The following MAGI2 variants were observed in gnomAD, a reference collection of about 807,000 sequenced individuals.
MAGI2 encodes membrane-associated guanylate kinase, WW and PDZ domain-containing protein 2.
Under a neutral mutation model 133.3 loss-of-function variants are expected in MAGI2, and 35 were observed. The ratio of observed to expected loss-of-function variants is 0.26; its 90% CI spans 0.20 to 0.35. The LOEUF (loss-of-function observed/expected upper bound fraction) is 0.35. MAGI2 is among the 10% of genes least tolerant of loss of function. The pLI is 1.00. For synonymous variants in MAGI2, 729 were observed against 710.6 expected, an observed-to-expected ratio of 1.03 and a Z score of -0.41; for missense variants, 1,636 against 1,863.4, an observed-to-expected ratio of 0.88 and a Z score of 2.25.
intron 3 of MAGI2, among the ~76,000 whole-genome samples, chr7:78,536,201 C>CT (rs1410328260): frequency 7.0e-6 from 1 of 143,524 alleles, no homozygotes; most frequent in Non-Finnish European, 1.5e-5. Flanking sequence ...CAAGCTCCGC[C>CT]TCCCGGGTTC....
intron 1 of MAGI2, among the ~76,000 whole-genome samples, chr7:79,151,853 A>G (rs935489930): frequency 2.0e-5 from 3 of 151,878 alleles, no homozygotes; most frequent in African/African-American, 7.2e-5. Flanking sequence ...AGAAAGACAC[A>G]AACTCCCCTT....
intron 1 of MAGI2, among the ~76,000 whole-genome samples, chr7:79,424,480 C>A (rs901076660): frequency 7.2e-5 from 11 of 151,846 alleles, no homozygotes; most frequent in Non-Finnish European, 1.2e-4. Context: ...TTCAAGAGAT[C>A]TATTTTACAG....
Position 79,030,774 on chromosome 7 carries a change from T to C in MAGI2, c.302-23568A>G, listed in dbSNP as rs113549928. ...CAAAACAGAAATCCCAGAATTATTCTTGGGATTAGAGTTCCCAAAACTTCA... is the reference window on the plus strand; with the variant it reads ...CAAAACAGAAATCCCAGAATTATTCCTGGGATTAGAGTTCCCAAAACTTCA... On this transcript the variant is annotated intron_variant, in intron 1 of 21. Coordinates refer to ENST00000354212, the MANE Select transcript of MAGI2 (RefSeq NM_012301.4). Among the ~76,000 whole-genome samples, 1,258 of 152,324 alleles carry C rather than the reference T, an allele frequency of 8.3e-3. 6 individuals are homozygous for C. Among genetic ancestry groups the C allele is most frequent in the Middle Eastern group, 0.017 (5 of 294 alleles).
intron 2 of MAGI2, among the ~76,000 whole-genome samples, chr7:78,940,089 A>G (rs1461333808): frequency 6.6e-6 from 1 of 152,196 alleles, no homozygotes; most frequent in Non-Finnish European, 1.5e-5. Flanking sequence ...GCACATTTGT[A>G]CATATTTCTG....
In MAGI2 at chr7:79,453,407, G is replaced by T. The variant is rs1332963642; in HGVS notation, c.-87C>A. On this transcript the variant is annotated 5_prime_UTR_variant, in exon 1 of 22. Coordinates refer to ENST00000354212, the MANE Select transcript of MAGI2 (RefSeq NM_012301.4). ...AGAATGAGGATGGAGGAGCAAGGGG[G>T]CCCAGGGGGAAGAACAGCAGACTTT... The T allele has an allele frequency of 1.3e-6, 2 of 1,512,008 alleles. No individual in the cohort carries two copies. Among genetic ancestry groups the T allele is most frequent in the Non-Finnish European group, 1.8e-6 (2 of 1,135,856 alleles). 93.7% of individuals were successfully genotyped at this position (1,512,008 alleles called of 1,614,324 possible). A position where few individuals can be genotyped will look rare whatever the true frequency, so the allele number is the denominator to read the frequency against.
At chr7:79,295,335 A>G (rs1309277581) in intron 1 of MAGI2, among the ~76,000 whole-genome samples, 2 of 152,164 alleles carry the variant, frequency 1.3e-5, no homozygotes, top group Non-Finnish European at 2.9e-5. Context: ...TGCAGAATAC[A>G]TTATGGTACT....
At chr7:78,286,895 A>G (rs1350623478) in intron 9 of MAGI2, among the ~76,000 whole-genome samples, 2 of 152,268 alleles carry the variant, frequency 1.3e-5, no homozygotes, top group Non-Finnish European at 2.9e-5. Context: ...GAGCTTGTGG[A>G]TTTATACCCA....
chr7:78,758,099 C>T lies in MAGI2; in HGVS notation c.419-130860G>A, dbSNP rs571675447. Among the ~76,000 whole-genome samples the T allele has an allele frequency of 2.0e-5, 3 of 152,266 alleles. No homozygotes were observed. In the South Asian group the frequency reaches 6.2e-4, roughly 32 times the overall value. ...GCTCTGGCCTCCCTTCTAAAAATCT[C>T]TTTCCCCCTTCCTCTGATTTGGGAC... On this transcript the variant is annotated intron_variant, in intron 2 of 21. Transcript: ENST00000354212.
At chr7:78,812,043 G>A (rs373125582) in intron 2 of MAGI2, among the ~76,000 whole-genome samples, 1 of 152,258 alleles carries the variant, frequency 6.6e-6, no homozygotes, top group East Asian at 1.9e-4. Flanking sequence ...TAACCTTGCT[G>A]GGTTTGACAA....
intron 1 of MAGI2, among the ~76,000 whole-genome samples, chr7:79,321,646 G>A (rs190591655): frequency 6.6e-6 from 1 of 152,180 alleles, no homozygotes; most frequent in Admixed American, 6.5e-5. Flanking sequence ...TATATAATAG[G>A]AACATGTACC....
At chr7:78,405,833 CA>C (rs1282653959) in intron 6 of MAGI2, among the ~76,000 whole-genome samples, 1 of 151,866 alleles carries the variant, frequency 6.6e-6, no homozygotes, top group Non-Finnish European at 1.5e-5. Flanking sequence ...CTATTAAGCA[CA>C]ATAAATAGAC....
chr7:78,268,228 T>C (rs913840773), intron 9 of MAGI2, among the ~76,000 whole-genome samples: 3 of 152,146 alleles, frequency 2.0e-5, no homozygotes, highest in Admixed American at 6.6e-5. Flanking sequence ...CTTCAAATTA[T>C]TGTACAATGC....
intron 2 of MAGI2, among the ~76,000 whole-genome samples, chr7:78,924,468 T>A (rs536491027): frequency 6.6e-6 from 1 of 152,272 alleles, no homozygotes; most frequent in Admixed American, 6.5e-5. Context: ...GGTTTTTGTC[T>A]TTGGTTCTGT....
chr7:78,771,351 G>A (rs1825576029), intron 2 of MAGI2: 1 of 152,196 alleles, frequency 6.6e-6, no homozygotes, highest in South Asian at 2.1e-4. Flanking sequence ...GGAGGGGGGC[G>A]GCTCTAGGTG....
rs1392125458 is a variant in MAGI2, at chr7:78,094,671, T to C, written c.3568-15586A>G. 2.6e-5 allele frequency among the ~76,000 whole-genome samples: 4 copies of C among 152,200 alleles called. No individual in the cohort carries two copies. In the East Asian group the frequency reaches 7.7e-4, roughly 29 times the overall value. ...CACATTATTAATGTAACTGGTTTGATTGAACTGTCTGTAGTCACTGAGAGA... is the reference window on the plus strand; with the variant it reads ...CACATTATTAATGTAACTGGTTTGACTGAACTGTCTGTAGTCACTGAGAGA... On this transcript the variant is annotated intron_variant, in intron 20 of 21. Transcript: ENST00000354212.
In MAGI2 at chr7:78,039,033, AT is replaced by A. The variant is rs370812442; in HGVS notation, c.3707-19058del. On this transcript the variant is annotated intron_variant, in intron 21 of 21. Coordinates refer to ENST00000354212, the MANE Select transcript of MAGI2 (RefSeq NM_012301.4). ...TGGGTGTCTAATATTCACTTAGAGGATTTTTTTTTTAAGTTAGTAAGTTAGT... is the reference window on the plus strand; with the variant it reads ...TGGGTGTCTAATATTCACTTAGAGGATTTTTTTTTAAGTTAGTAAGTTAGT... Among the ~76,000 whole-genome samples, 416 of 150,552 alleles carry A rather than the reference AT, an allele frequency of 2.8e-3. 2 individuals carry two copies. The highest frequency in any genetic ancestry group is 9.2e-3 in the African/African-American group (380 of 41,142).
intron 2 of MAGI2, among the ~76,000 whole-genome samples, chr7:78,881,123 G>A (rs1179479457): frequency 5.9e-5 from 9 of 152,022 alleles, no homozygotes; most frequent in Admixed American, 5.9e-4. Context: ...AGTAATAGTG[G>A]GGGATTTCAA....
At chr7:79,031,708 T>TA (rs1428322600) in intron 1 of MAGI2, among the ~76,000 whole-genome samples, 2 of 152,184 alleles carry the variant, frequency 1.3e-5, no homozygotes, top group Non-Finnish European at 2.9e-5. Context: ...CTTCCCGATG[T>TA]AAAATGTATA....
At chr7:79,235,357 G>T (rs1161522378) in intron 1 of MAGI2, among the ~76,000 whole-genome samples, 94 of 152,220 alleles carry the variant, frequency 6.2e-4, no homozygotes, top group South Asian at 2.3e-3. Context: ...GTTTACCTAA[G>T]CAAGCCTGGG....
Sources: gnomAD v4.1 joint callset for allele counts (sites outside exome capture counted in the v4.1 genomes callset) on GRCh38, gnomAD v4.1.1 for gene constraint, MANE v1.5 for transcripts, NCBI Gene and HGNC (gene_info 2026-07-23, HGNC 2026-07-21) for gene names.